Variants in DLGAP2 observed in about 807,000 individuals in gnomAD.
DLGAP2 encodes disks large-associated protein 2.
Under a neutral mutation model 100.3 loss-of-function variants are expected in DLGAP2, and 26 were observed. The observed-to-expected ratio is 0.26, with a 90% confidence interval of 0.19 to 0.36. DLGAP2 has a LOEUF of 0.36. Among genes scored for constraint, DLGAP2 ranks in the 10% least tolerant of loss-of-function variants. The pLI, the probability that DLGAP2 is intolerant of heterozygous loss-of-function variation, is 1.00. For missense variants in DLGAP2, 1,858 were observed against 1,453.2 expected (o/e 1.28, Z -4.53); for synonymous variants, 886 against 630.1 (o/e 1.41, Z -6.08).
chr8:1,552,726 C>T (rs1297068966), intron 5 of DLGAP2, among the ~76,000 whole-genome samples: 1 of 152,180 alleles, frequency 6.6e-6, no homozygotes, highest in Admixed American at 6.5e-5. Flanking sequence ...TATAAATTTT[C>T]TTCCTTTTTT....
chr8:1,648,090 G>A lies in DLGAP2; in HGVS notation c.1810+15044G>A, dbSNP rs74983189. Among the ~76,000 whole-genome samples, 1,084 of 152,272 alleles carry A rather than the reference G, an allele frequency of 7.1e-3. 14 individuals are homozygous for A. The highest frequency in any genetic ancestry group is 0.024 in the African/African-American group (985 of 41,550). ...GTTTAAATTAACCCGTGCGTGTACC[G>A]TGCCACACCAGGCTCAATAAATATT... On this transcript the variant is annotated intron_variant, in intron 8 of 14. Transcript: ENST00000637795.
At chr8:1,356,279 C>T (rs947764754) in intron 3 of DLGAP2, among the ~76,000 whole-genome samples, 35 of 152,200 alleles carry the variant, frequency 2.3e-4, no homozygotes, top group Non-Finnish European at 4.1e-4. Flanking sequence ...TGTCAGCTGT[C>T]CTCTGGTTTT....
At chr8:1,442,899 T>C (rs576175769) in intron 3 of DLGAP2, among the ~76,000 whole-genome samples, 1 of 152,386 alleles carries the variant, frequency 6.6e-6, no homozygotes, top group South Asian at 2.1e-4. Context: ...AGTCTAGCTA[T>C]TTGTATGACA....
intron 12 of DLGAP2, chr8:1,680,737 A>T (rs1798924411): frequency 1.3e-5 from 2 of 152,180 alleles, no homozygotes. Flanking sequence ...TCTAAAAATC[A>T]CTCATTTTCT....
chr8:1,173,553 G>T (rs1797179201), intron 2 of DLGAP2, among the ~76,000 whole-genome samples: 2 of 152,198 alleles, frequency 1.3e-5, no homozygotes, highest in African/African-American at 4.8e-5. Context: ...GAGCTTCCCG[G>T]TTGCTTTGTT....
rs1799593323 is a variant in DLGAP2, at chr8:1,702,210, C to T, written c.*804C>T. 6.6e-6 allele frequency: 1 copy of T among 150,930 alleles called. No individual in the cohort carries two copies. The highest frequency in any genetic ancestry group is 2.1e-4 in the South Asian group (1 of 4,752). The allele number at this position is 150,930 out of a possible 1,614,324, so 9.3% of individuals were successfully genotyped here. ...GGAAAACAATGTCCTTACTTGTAAA[C>T]AGTTATTGTATTTTTTATTTCTTTC... On this transcript the variant is annotated 3_prime_UTR_variant, in exon 15 of 15. Coordinates refer to ENST00000637795, the MANE Select transcript of DLGAP2 (RefSeq NM_001346810.2).
At chr8:1,166,599 A>C (rs7827676) in intron 2 of DLGAP2, among the ~76,000 whole-genome samples, 1 of 151,934 alleles carries the variant, frequency 6.6e-6, no homozygotes, top group South Asian at 2.1e-4. Context: ...TATTTCTCCA[A>C]TTATTTTATC....
At chr8:1,635,363 T>A (rs1797741979) in intron 8 of DLGAP2, among the ~76,000 whole-genome samples, 1 of 152,218 alleles carries the variant, frequency 6.6e-6, no homozygotes, top group Non-Finnish European at 1.5e-5. Flanking sequence ...TCATCCAAAG[T>A]TTCCTGTCCG....
chr8:896,371 G>C (rs1213563746), intron 1 of DLGAP2, among the ~76,000 whole-genome samples: 1 of 147,020 alleles, frequency 6.8e-6, no homozygotes, highest in Non-Finnish European at 1.5e-5. Context: ...ACCATTGCCA[G>C]TTCCACCTGG....
intron 1 of DLGAP2, among the ~76,000 whole-genome samples, chr8:801,227 A>G (rs1268530529): frequency 6.6e-6 from 1 of 152,202 alleles, no homozygotes; most frequent in East Asian, 1.9e-4. Context: ...GCAAAGCAAT[A>G]ATTATGATCA....
At chr8:1,662,357 G>T (rs1465187753) in intron 8 of DLGAP2, among the ~76,000 whole-genome samples, 1 of 152,140 alleles carries the variant, frequency 6.6e-6, no homozygotes, top group Non-Finnish European at 1.5e-5. Flanking sequence ...TGCCACCAAA[G>T]GCATTTTGAT....
chr8:1,010,091 CAACA>C (rs1424545561), intron 2 of DLGAP2, among the ~76,000 whole-genome samples: 1 of 152,206 alleles, frequency 6.6e-6, no homozygotes, highest in African/African-American at 2.4e-5. Context: ...TACTCATCTT[CAACA>C]AACTAAAGAT....
At chr8:1,410,210 A>G (rs528335235) in intron 3 of DLGAP2, among the ~76,000 whole-genome samples, 1 of 152,200 alleles carries the variant, frequency 6.6e-6, no homozygotes, top group South Asian at 2.1e-4. Flanking sequence ...ATCATCTGGG[A>G]GTGGTTGGAA....
At chr8:1,494,262 T>G (rs1799480645) in intron 3 of DLGAP2, among the ~76,000 whole-genome samples, 2 of 152,268 alleles carry the variant, frequency 1.3e-5, no homozygotes, top group Admixed American at 1.3e-4. Context: ...TTCTAATACT[T>G]TGAAGGCTTA....
chr8:1,340,199 C>A (rs541406091), intron 3 of DLGAP2, among the ~76,000 whole-genome samples: 3 of 152,228 alleles, frequency 2.0e-5, no homozygotes, highest in African/African-American at 7.2e-5. Flanking sequence ...GACAGAGACA[C>A]CAAAAGCAAT....
chr8:1,554,939 A>G (rs1801908439), intron 5 of DLGAP2, among the ~76,000 whole-genome samples: 1 of 152,154 alleles, frequency 6.6e-6, no homozygotes, highest in East Asian at 1.9e-4. Flanking sequence ...GAGAAAGGAG[A>G]TTGCTGTGGT....
intron 1 of DLGAP2, among the ~76,000 whole-genome samples, chr8:882,013 G>A (rs1418803077): frequency 1.3e-5 from 2 of 152,148 alleles, no homozygotes; most frequent in African/African-American, 2.4e-5. Context: ...GAGGGCATAA[G>A]TGCTCACCTG....
In DLGAP2 at chr8:1,545,152, G is replaced by A. The variant is rs548070137; in HGVS notation, c.173-3474G>A. ...GCCCTGATAGAATTACCATAGAATG[G>A]GCTTGGAAGCATTCCTGCCTATTCT... On this transcript the variant is annotated intron_variant, in intron 4 of 14. Transcript: ENST00000637795. Among the ~76,000 whole-genome samples, 15 of 152,170 alleles carry A rather than the reference G, an allele frequency of 9.9e-5. No individual in the cohort carries two copies. The East Asian group carries it at 2.1e-3, about 22-fold the overall frequency.
intron 4 of DLGAP2, among the ~76,000 whole-genome samples, chr8:1,509,066 C>A (rs1800058784): frequency 6.6e-6 from 1 of 152,118 alleles, no homozygotes; most frequent in South Asian, 2.1e-4. Flanking sequence ...GGCACGGTGG[C>A]TCACGCCTGT....
Sources: allele counts gnomAD v4.1 joint callset (sites outside exome capture counted in the v4.1 genomes callset), GRCh38; gene constraint gnomAD v4.1.1; transcripts MANE v1.5; gene names NCBI Gene and HGNC (gene_info 2026-07-23, HGNC 2026-07-21).